PCDHGA6: variants seen among roughly 807,000 people sequenced by gnomAD.
PCDHGA6 encodes protocadherin gamma subfamily A, 6, also known as protocadherin gamma-A6.
Under a neutral mutation model 60.6 loss-of-function variants are expected in PCDHGA6, and 41 were observed. That is an observed-to-expected ratio of 0.68 (90% CI 0.53 to 0.88). The LOEUF (loss-of-function observed/expected upper bound fraction) is 0.88, where lower values mean the gene tolerates loss of function less well. PCDHGA6 is among the 40% of genes least tolerant of loss of function. The pLI, the probability that PCDHGA6 is intolerant of heterozygous loss-of-function variation, is 0.00. For missense variants in PCDHGA6, 1,312 were observed against 1,203.0 expected (o/e 1.09, Z -1.34); for synonymous variants, 594 against 524.4 (o/e 1.13, Z -1.81).
chr5:141,505,155 C>T (rs2099844224), intron 2 of PCDHGA6, among the ~76,000 whole-genome samples: 1 of 152,162 alleles, frequency 6.6e-6, no homozygotes, highest in Non-Finnish European at 1.5e-5. Context: ...GAGTAAGACC[C>T]TGTCTAAAAC....
chr5:141,423,101 G>A (rs757127033), intron 1 of PCDHGA6: 3 of 1,613,966 alleles, frequency 1.9e-6, no homozygotes, highest in South Asian at 1.1e-5. Context: ...GAGCACACGG[G>A]CGAGGTGCGT....
At chr5:141,383,639 A>G in intron 1 of PCDHGA6, 3 of 1,613,964 alleles carry the variant, frequency 1.9e-6, no homozygotes, top group Non-Finnish European at 2.5e-6. Flanking sequence ...CTGCCTCAGT[A>G]CCAAGTAACT....
chr5:141,390,408 T>C, intron 1 of PCDHGA6: 1 of 1,254,846 alleles, frequency 8.0e-7, no homozygotes, highest in Non-Finnish European at 1.1e-6. Context: ...AGGAAAGTTG[T>C]AGTCAGTTAA....
chr5:141,427,994 C>T, intron 1 of PCDHGA6: 1 of 1,599,396 alleles, frequency 6.3e-7, no homozygotes, highest in Non-Finnish European at 8.6e-7. Flanking sequence ...CCGATGGCTC[C>T]GCACTCTTCG....
In PCDHGA6 at chr5:141,385,180, G is replaced by A. The variant is rs200338637; in HGVS notation, c.2424+8673G>A. On this transcript the variant is annotated intron_variant, in intron 1 of 3. Coordinates refer to ENST00000517434, the MANE Select transcript of PCDHGA6 (RefSeq NM_018919.3). ...CTATTCCCATGAGGTCTCCCTCACC[G>A]CGGACTCTCGGAAGAGTCACCTGAT... The A allele has an allele frequency of 2.4e-4, 390 of 1,614,178 alleles. 1 individual carries two copies. The highest frequency in any genetic ancestry group is 3.1e-4 in the Non-Finnish European group (365 of 1,180,034).
chr5:141,419,240 G>T, intron 1 of PCDHGA6: 1 of 1,613,980 alleles, frequency 6.2e-7, no homozygotes. Flanking sequence ...CCTGGTCCAC[G>T]TGCCAGAAAA....
At position 141,494,838 on chromosome 5, in the gene PCDHGA6, C is replaced by T; in HGVS notation, c.2456C>T (p.Ser819Phe). 4.3e-6 allele frequency: 7 copies of T among 1,614,166 alleles called. No homozygotes were observed. Among genetic ancestry groups the T allele is most frequent in the Non-Finnish European group, 3.4e-6 (4 of 1,180,032 alleles). Residue 819 changes from serine (S) to phenylalanine (F), a missense_variant, in exon 2 of 4, where the codon TCT becomes TTT. By Grantham distance (155) the Ser-to-Phe change is radical. Transcript: ENST00000517434. ...CCGCCCAACACGGACTGGCGTTTCT[C>T]TCAGGCCCAGAGACCCGGCACCAGC... ...QAPPNTDWRF[S>F]QAQRPGTSGS...
At chr5:141,438,418 G>C (rs2097959406) in intron 1 of PCDHGA6, among the ~76,000 whole-genome samples, 1 of 151,534 alleles carries the variant, frequency 6.6e-6, no homozygotes, top group Admixed American at 6.6e-5. Flanking sequence ...ATTTCACACA[G>C]TAGTTTGTAC....
At chr5:141,413,870 T>A (rs2095687151) in intron 1 of PCDHGA6, 1 of 1,613,268 alleles carries the variant, frequency 6.2e-7, no homozygotes, top group Admixed American at 1.7e-5. Context: ...ACTGTCCTTG[T>A]CAGTGTGACT....
At chr5:141,461,131 T>G (rs1372557827) in intron 1 of PCDHGA6, among the ~76,000 whole-genome samples, 1 of 152,094 alleles carries the variant, frequency 6.6e-6, no homozygotes, top group Non-Finnish European at 1.5e-5. Flanking sequence ...TATAATTACT[T>G]ATTTTCCTTT....
intron 1 of PCDHGA6, chr5:141,414,747 C>T (rs556012378): frequency 6.2e-7 from 1 of 1,614,214 alleles, no homozygotes; most frequent in African/African-American, 1.3e-5. Flanking sequence ...TCAGATCCTT[C>T]GACTATGAGC....
At position 141,384,236 on chromosome 5, in the gene PCDHGA6, A is replaced by G. The variant is rs199759698; in HGVS notation, c.2424+7729A>G. On this transcript the variant is annotated intron_variant, in intron 1 of 3. Transcript: ENST00000517434. ...ATATTCATGCAGGTGGCAGACACCA[A>G]CGATAACCCACCCACCTTCCCCCAC... The G allele has an allele frequency of 1.1e-4, 176 of 1,613,768 alleles. No homozygotes were observed. The highest frequency in any genetic ancestry group is 1.5e-4 in the Non-Finnish European group (172 of 1,179,900).
chr5:141,384,465 T>C, intron 1 of PCDHGA6: 2 of 1,614,118 alleles, frequency 1.2e-6, no homozygotes, highest in Non-Finnish European at 1.7e-6. Flanking sequence ...CCTTTGATTA[T>C]GAGCAGTTGA....
In PCDHGA6 at chr5:141,375,405, A is replaced by G. The variant is rs1472795802; in HGVS notation, c.1322A>G (p.Asn441Ser). 1 of 1,613,932 alleles carries G rather than the reference A, an allele frequency of 6.2e-7. No individual in the cohort carries two copies. Among genetic ancestry groups the G allele is most frequent in the South Asian group, 1.1e-5 (1 of 91,078 alleles). ...PLSTETIISLNVADTNDNPPT... is the reference protein window; with the variant it reads ...PLSTETIISLSVADTNDNPPT... ...TCTACAGAAACAATCATCTCTCTAA[A>G]TGTGGCAGACACCAACGACAACCCG... Residue 441 changes from asparagine (N) to serine (S), a missense_variant, in exon 1 of 4, where the codon AAT becomes AGT. Physicochemically the swap from Asn to Ser is conservative, Grantham distance 46. Transcript: ENST00000517434.
chr5:141,398,857 C>T (rs749773693), intron 1 of PCDHGA6: 15 of 1,613,800 alleles, frequency 9.3e-6, no homozygotes, highest in African/African-American at 1.3e-5. Flanking sequence ...GGTATTCAAC[C>T]GAGACGTGTA....
chr5:141,415,368 T>C (rs762653261), intron 1 of PCDHGA6: 1 of 1,614,244 alleles, frequency 6.2e-7, no homozygotes, highest in Non-Finnish European at 8.5e-7. Context: ...TGCTGCAGGC[T>C]TCAGGAGGCG....
At chr5:141,430,612 G>A (rs1406353008) in intron 1 of PCDHGA6, 2 of 680,678 alleles carry the variant, frequency 2.9e-6, no homozygotes, top group African/African-American at 3.7e-5. Flanking sequence ...GCACAAAGCA[G>A]ATAGCTAGGA....
chr5:141,381,689 C>A lies in PCDHGA6; in HGVS notation c.2424+5182C>A, dbSNP rs548691945. 4.6e-5 allele frequency among the ~76,000 whole-genome samples: 7 copies of A among 152,268 alleles called. No individual in the cohort carries two copies. In the South Asian group the frequency reaches 1.2e-3, roughly 27 times the overall value. ...AGCTGATTGCTGCAGCCAAGACAAA[C>A]AACGATTTCTTTCTTTTTTTCTCAC... On this transcript the variant is annotated intron_variant, in intron 1 of 3. Transcript: ENST00000517434.
intron 1 of PCDHGA6, among the ~76,000 whole-genome samples, chr5:141,386,387 C>T (rs1416257552): frequency 6.6e-6 from 1 of 152,092 alleles, no homozygotes; most frequent in Admixed American, 6.5e-5. Context: ...TAATTAAAAA[C>T]ACACTTTTAG....
Sources: gnomAD v4.1 joint callset for allele counts (sites outside exome capture counted in the v4.1 genomes callset) on GRCh38, gnomAD v4.1.1 for gene constraint, MANE v1.5 for transcripts, NCBI Gene and HGNC (gene_info 2026-07-23, HGNC 2026-07-21) for gene names.